The following ARHGAP26 variants were observed in gnomAD, a reference collection of about 807,000 sequenced individuals.
ARHGAP26 encodes Rho GTPase activating protein 26.
A neutral mutation model predicts 104.8 loss-of-function variants in ARHGAP26; 38 were observed. The observed-to-expected ratio is 0.36, with a 90% CI of 0.28 to 0.48. The LOEUF is 0.48. ARHGAP26 is among the 20% of genes least tolerant of loss of function. The pLI, the probability that ARHGAP26 is intolerant of heterozygous loss-of-function variation, is 0.99. For missense variants in ARHGAP26, 704 were observed against 947.9 expected (o/e 0.74, Z 3.38); for synonymous variants, 341 against 340.0 (o/e 1.00, Z -0.03).
chr5:142,880,657 C>T (rs180869923), intron 4 of ARHGAP26, among the ~76,000 whole-genome samples: 2 of 152,314 alleles, frequency 1.3e-5, no homozygotes, highest in African/African-American at 4.8e-5. Flanking sequence ...TTTTCTGGAA[C>T]TGTGAGTCAA....
At chr5:143,020,996 A>C (rs955960662) in intron 12 of ARHGAP26, among the ~76,000 whole-genome samples, 1 of 152,166 alleles carries the variant, frequency 6.6e-6, no homozygotes, top group Non-Finnish European at 1.5e-5. Context: ...TGAAGAACCC[A>C]CTGCAGTTTG....
intron 5 of ARHGAP26, among the ~76,000 whole-genome samples, chr5:142,889,000 T>A (rs1365205031): frequency 6.6e-6 from 1 of 152,172 alleles, no homozygotes; most frequent in Non-Finnish European, 1.5e-5. Context: ...GGCTTATAAT[T>A]CCATTGCAGG....
chr5:142,838,106 A>G (rs536440966), intron 1 of ARHGAP26, among the ~76,000 whole-genome samples: 18 of 152,168 alleles, frequency 1.2e-4, no homozygotes, highest in African/African-American at 3.4e-4. Flanking sequence ...AAAATACGAA[A>G]ATTAGCTGGG....
intron 1 of ARHGAP26, among the ~76,000 whole-genome samples, chr5:142,872,858 GTGCT>G: frequency 6.6e-6 from 1 of 152,304 alleles, no homozygotes; most frequent in South Asian, 2.1e-4. Context: ...GGCCTCGCCT[GTGCT>G]TGAGTCAGAA....
At chr5:143,097,821 C>CAAA (rs35803857) in intron 17 of ARHGAP26, among the ~76,000 whole-genome samples, 9,458 of 120,472 alleles carry the variant, frequency 0.079, 577 homozygotes, top group South Asian at 0.14. Flanking sequence ...GACTCCAACT[C>CAAA]AAAAAAAAAA....
chr5:143,164,742 T>C (rs1334288368), intron 20 of ARHGAP26, among the ~76,000 whole-genome samples: 1 of 152,236 alleles, frequency 6.6e-6, no homozygotes, highest in Admixed American at 6.5e-5. Context: ...TGAGTGTTCC[T>C]GATGAAACTC....
chr5:143,043,239 T>C (rs1435502172), intron 14 of ARHGAP26, among the ~76,000 whole-genome samples: 2 of 152,256 alleles, frequency 1.3e-5, no homozygotes, highest in East Asian at 1.9e-4. Flanking sequence ...ATCAGCAATC[T>C]GTTCTCTATT....
chr5:142,829,434 C>A (rs1008807613), intron 1 of ARHGAP26, among the ~76,000 whole-genome samples: 1 of 152,188 alleles, frequency 6.6e-6, no homozygotes, highest in Non-Finnish European at 1.5e-5. Flanking sequence ...AGTGAGATCA[C>A]CTTCTTTTCC....
At chr5:143,125,451 T>A (rs1002623628) in intron 18 of ARHGAP26, among the ~76,000 whole-genome samples, 1 of 152,220 alleles carries the variant, frequency 6.6e-6, no homozygotes, top group Admixed American at 6.5e-5. Context: ...TTGTGTTTGG[T>A]CAGATAGAGT....
chr5:143,096,841 C>T (rs1352323766), intron 17 of ARHGAP26, among the ~76,000 whole-genome samples: 7 of 152,028 alleles, frequency 4.6e-5, no homozygotes, highest in African/African-American at 4.8e-5. Flanking sequence ...GAAACCTCCC[C>T]GTAGTTAATG....
chr5:142,845,245 G>A (rs1217633013), intron 1 of ARHGAP26, among the ~76,000 whole-genome samples: 1 of 151,994 alleles, frequency 6.6e-6, no homozygotes, highest in Admixed American at 6.5e-5. Flanking sequence ...TGTGTTGATC[G>A]TCTGTTCTGT....
At chr5:143,060,541 A>T (rs547027286) in intron 17 of ARHGAP26, among the ~76,000 whole-genome samples, 16 of 152,234 alleles carry the variant, frequency 1.1e-4, no homozygotes. Flanking sequence ...GATTTGTTTC[A>T]GACCTCAGAG....
chr5:142,921,681 A>G lies in ARHGAP26; in HGVS notation c.1028+8388A>G, dbSNP rs796703526. 3 of 165,466 alleles carry G rather than the reference A, an allele frequency of 1.8e-5. No homozygotes were observed. In the South Asian group the frequency reaches 6.2e-4, roughly 34 times the overall value. 10.2% of individuals were successfully genotyped at this position (165,466 alleles called of 1,614,324 possible). A position where few individuals can be genotyped will look rare whatever the true frequency, so the allele number is the denominator to read the frequency against. On this transcript the variant is annotated intron_variant, in intron 10 of 22. Coordinates refer to ENST00000645722, the MANE Select transcript of ARHGAP26 (RefSeq NM_001135608.3). ...AGGCTGCATGATGCAGGTAAAAAAG[A>G]TAAGAGCATTCCTAAATTTGAATTT...
rs145167309 is a variant in ARHGAP26, at chr5:142,834,528, C to A, written c.155-38872C>A. Among the ~76,000 whole-genome samples the A allele has an allele frequency of 3.4e-3, 511 of 152,328 alleles. 2 individuals are homozygous for A. The highest frequency in any genetic ancestry group is 0.022 in the East Asian group (116 of 5,184). Reference sequence around the variant, plus strand: ...CCAAAGATGACAATAGTGTTTATTTCTTGTGACTCAGTGGATTGACTGGGT... The same window carrying A: ...CCAAAGATGACAATAGTGTTTATTTATTGTGACTCAGTGGATTGACTGGGT... On this transcript the variant is annotated intron_variant, in intron 1 of 22. Coordinates refer to ENST00000645722, the MANE Select transcript of ARHGAP26 (RefSeq NM_001135608.3).
intron 17 of ARHGAP26, among the ~76,000 whole-genome samples, chr5:143,114,298 C>T (rs746866940): frequency 1.6e-4 from 24 of 152,152 alleles, no homozygotes; most frequent in Admixed American, 8.5e-4. Context: ...ATGGCCCTGA[C>T]GGGTGTTCTC....
At chr5:142,945,602 A>T (rs1323384156) in intron 11 of ARHGAP26, among the ~76,000 whole-genome samples, 1 of 152,224 alleles carries the variant, frequency 6.6e-6, no homozygotes, top group South Asian at 2.1e-4. Flanking sequence ...TGGCAAGTCA[A>T]GAATTTATCA....
At chr5:143,013,584 G>T (rs952450678) in intron 11 of ARHGAP26, among the ~76,000 whole-genome samples, 1 of 152,136 alleles carries the variant, frequency 6.6e-6, no homozygotes, top group South Asian at 2.1e-4. Flanking sequence ...TTGATGTAAA[G>T]GTCCTGACTT....
At position 142,930,269 on chromosome 5, in the gene ARHGAP26, T is replaced by C. The variant is rs1764519768; in HGVS notation, c.1029-1778T>C. 3.3e-5 allele frequency among the ~76,000 whole-genome samples: 5 copies of C among 152,192 alleles called. No homozygotes were observed. In the South Asian group the frequency reaches 1.0e-3, roughly 31 times the overall value. On this transcript the variant is annotated intron_variant, in intron 10 of 22. Transcript: ENST00000645722. ...GTGGAAGGGTGGAATCAGTTCATTG[T>C]GCCCTTAAGCCACAGGGTCAGTTCT...
chr5:142,890,219 A>G (rs1209662905), intron 5 of ARHGAP26, among the ~76,000 whole-genome samples: 1 of 131,298 alleles, frequency 7.6e-6, no homozygotes, highest in African/African-American at 2.8e-5. Flanking sequence ...GCATTTAACC[A>G]TTATAAATGT....
Sources: gnomAD v4.1 joint callset for allele counts (sites outside exome capture counted in the v4.1 genomes callset) on GRCh38, gnomAD v4.1.1 for gene constraint, MANE v1.5 for transcripts, NCBI Gene and HGNC (gene_info 2026-07-23, HGNC 2026-07-21) for gene names.